Variants in XIRP2 observed in about 807,000 individuals in gnomAD.
The protein encoded by XIRP2 is xin actin-binding repeat-containing protein 2.
XIRP2 carries 236 observed loss-of-function variants against 277.0 expected under a neutral mutation model. The ratio of observed to expected loss-of-function variants is 0.85; its 90% CI spans 0.77 to 0.95. XIRP2 has a LOEUF of 0.95. XIRP2 is among the 40% of genes least tolerant of loss of function. The pLI is 0.00. For synonymous variants in XIRP2, 1,490 were observed against 1,416.5 expected (o/e 1.05, Z -1.17); for missense variants, 4,640 against 4,157.5 (o/e 1.12, Z -3.19).
rs1447510347 is a variant in XIRP2 at position 167,246,411 on chromosome 2, A to G, written c.5019A>G (p.Val1673=). Residue 1673 remains valine, a synonymous_variant, in exon 9 of 11, where the codon GTA becomes GTG. Coordinates refer to ENST00000409195, the MANE Select transcript of XIRP2 (RefSeq NM_152381.6). ...ACCTGTTCTCTGAGGAAAGATCTGT[A>G]AAGAAAGGCATCTTAATTCAGGAAG... ...IKNLFSEERS[V]KKGILIQEDE... 2.5e-6 allele frequency: 4 copies of G among 1,613,582 alleles called. No homozygotes were observed. The highest frequency in any genetic ancestry group is 3.4e-6 in the Non-Finnish European group (4 of 1,179,786).
In XIRP2 at chr2:167,136,026, A is replaced by ATGTC. The variant is rs1691539851; in HGVS notation, c.527_530dup (p.Pro178ValfsTer3). 2 of 1,610,106 alleles carry ATGTC rather than the reference A, an allele frequency of 1.2e-6. No individual in the cohort carries two copies. The highest frequency in any genetic ancestry group is 2.7e-5 in the African/African-American group (2 of 74,782). ...AGGCAAGGAAACATCTTTTGACAAG[A>ATGTC]TGTCACCTGAAAGTGGTCACAGCCG... On this transcript the variant is annotated frameshift_variant, in exon 3 of 11. Transcript: ENST00000409195. LOFTEE classifies it high-confidence loss of function.
chr2:167,248,371 C>T lies in XIRP2; in HGVS notation c.6979C>T (p.Pro2327Ser). The T allele has an allele frequency of 6.2e-7, 1 of 1,613,728 alleles. No individual in the cohort carries two copies. The change falls in exon 9 of 11, where the codon CCC becomes TCC. Residue 2327 changes from proline (P) to serine (S), a missense_variant. Physicochemically the swap from Pro to Ser is moderately conservative, Grantham distance 74. Transcript: ENST00000409195. ...GTTTCCTGAAAAAAATGGGTTTCTT[C>T]CCTCACTGTCCACAGAGAAGATAAA... is the stretch of plus-strand genomic sequence containing the variant. ...MMFPEKNGFL[P>S]SLSTEKIKAE... is the part of the protein sequence containing the mutation.
intron 2 of XIRP2, among the ~76,000 whole-genome samples, chr2:166,982,368 G>T (rs1574135696): frequency 1.4e-5 from 2 of 143,358 alleles, no homozygotes; most frequent in African/African-American, 2.5e-5. Flanking sequence ...TGAACTTCTT[G>T]ATTCTGTAAA....
chr2:167,000,772 A>T lies in XIRP2; in HGVS notation c.408+96882A>T, dbSNP rs997523617. Among the ~76,000 whole-genome samples the T allele has an allele frequency of 2.6e-5, 4 of 152,134 alleles. No individual in the cohort carries two copies. The East Asian group carries it at 7.7e-4, about 29-fold the overall frequency. On this transcript the variant is annotated intron_variant, in intron 2 of 10. Coordinates refer to ENST00000409195, the MANE Select transcript of XIRP2 (RefSeq NM_152381.6). ...TTGTTTCAAATTTGGACATTGGGAC[A>T]TTACTGTGCACTTTTGATACAATCA...
At position 167,064,348 on chromosome 2, in the gene XIRP2, C is replaced by T. The variant is rs1172054152; in HGVS notation, c.409-71561C>T. ...TGCACTTTGCTTTCAAATAGTAATC[C>T]ATATTATATGCCGCATAAGAATTTT... On this transcript the variant is annotated intron_variant, in intron 2 of 10. Transcript: ENST00000409195. 5.3e-5 allele frequency among the ~76,000 whole-genome samples: 8 copies of T among 151,804 alleles called. No homozygotes were observed. In the South Asian group the frequency reaches 1.5e-3, roughly 28 times the overall value.
intron 2 of XIRP2, among the ~76,000 whole-genome samples, chr2:167,081,873 A>G (rs1191571734): frequency 6.6e-6 from 1 of 152,166 alleles, no homozygotes; most frequent in Non-Finnish European, 1.5e-5. Flanking sequence ...CAATTGTGGT[A>G]CCTTACATGA....
At chr2:167,236,215 G>A (rs981523813) in intron 5 of XIRP2, among the ~76,000 whole-genome samples, 23 of 151,732 alleles carry the variant, frequency 1.5e-4, no homozygotes, top group Non-Finnish European at 4.4e-5. Flanking sequence ...ATACTTCCAA[G>A]AGTCACAATA....
In XIRP2 at chr2:167,244,914, G is replaced by A. The variant is rs753100773; in HGVS notation, c.3522G>A (p.Leu1174=). ...TACFLFETEN[L]DSIQGEEVKE... ...GTTTTCTTTTTGAGACAGAAAATTTGGACAGCATACAAGGAGAAGAAGTGA... is the reference window on the plus strand; with the variant it reads ...GTTTTCTTTTTGAGACAGAAAATTTAGACAGCATACAAGGAGAAGAAGTGA... Residue 1174 remains leucine, a synonymous_variant, in exon 9 of 11, where the codon TTG becomes TTA. Transcript: ENST00000409195. The A allele has an allele frequency of 5.0e-6, 8 of 1,612,902 alleles. No individual in the cohort carries two copies. The Admixed American group carries it at 1.3e-4, about 27-fold the overall frequency.
chr2:167,070,089 A>G (rs1574223640), intron 2 of XIRP2, among the ~76,000 whole-genome samples: 1 of 151,220 alleles, frequency 6.6e-6, no homozygotes, highest in Admixed American at 6.6e-5. Flanking sequence ...TGCTCCAAAC[A>G]CTCTCTCAAG....
Position 167,214,093 on chromosome 2 carries a change from A to AAG in XIRP2, c.723+3198_723+3199insAG, listed in dbSNP as rs1694147519. Among the ~76,000 whole-genome samples the AAG allele has an allele frequency of 2.5e-4, 16 of 64,316 alleles. 1 individual carries two copies. The highest frequency in any genetic ancestry group is 7.7e-4 in the African/African-American group (10 of 12,932). 42.2% of individuals were successfully genotyped at this position (64,316 alleles called of 152,430 possible). On this transcript the variant is annotated intron_variant, in intron 4 of 10. Transcript: ENST00000409195. The stretch of plus-strand genomic sequence containing the variant: ...TAGAAAGGAAGGAAGGAAGAAAGAA[A>AAG]GAAGGAAGGAAGGAAGGAAGGAAGG...
At chr2:166,952,500 CAT>C (rs1352195352) in intron 2 of XIRP2, among the ~76,000 whole-genome samples, 2 of 151,952 alleles carry the variant, frequency 1.3e-5, no homozygotes, top group African/African-American at 4.8e-5. Context: ...TTAGGACAAA[CAT>C]GTCTAGAATT....
intron 2 of XIRP2, among the ~76,000 whole-genome samples, chr2:167,017,595 G>A (rs1687866592): frequency 6.6e-6 from 1 of 151,942 alleles, no homozygotes; most frequent in East Asian, 1.9e-4. Context: ...TAGGAGTTAT[G>A]AGTAGGAAAG....
chr2:167,029,692 T>C (rs1353000650), intron 2 of XIRP2, among the ~76,000 whole-genome samples: 5 of 152,006 alleles, frequency 3.3e-5, no homozygotes, highest in Non-Finnish European at 4.4e-5. Context: ...CTCTACCAGG[T>C]TTTGGTATCA....
intron 2 of XIRP2, among the ~76,000 whole-genome samples, chr2:166,942,125 C>T (rs773366508): frequency 1.4e-4 from 21 of 152,130 alleles, no homozygotes; most frequent in Non-Finnish European, 2.6e-4. Context: ...CCAATATGAC[C>T]ACAAAACTGT....
intron 2 of XIRP2, among the ~76,000 whole-genome samples, chr2:167,062,425 G>A (rs988638619): frequency 6.6e-6 from 1 of 152,066 alleles, no homozygotes; most frequent in Non-Finnish European, 1.5e-5. Flanking sequence ...CTAAAATTTT[G>A]TTTAAAAGTT....
chr2:167,172,972 A>G (rs1692738834), intron 3 of XIRP2, among the ~76,000 whole-genome samples: 1 of 152,226 alleles, frequency 6.6e-6, no homozygotes, highest in African/African-American at 2.4e-5. Flanking sequence ...GGCGTAAGAA[A>G]TTATAAAAGT....
intron 1 of XIRP2, among the ~76,000 whole-genome samples, chr2:166,889,181 C>T (rs748778293): frequency 2.0e-5 from 3 of 152,196 alleles, no homozygotes; most frequent in Non-Finnish European, 4.4e-5. Flanking sequence ...AATGGAAGCT[C>T]TTCTTACCCC....
At chr2:167,065,167 A>G (rs1003452386) in intron 2 of XIRP2, among the ~76,000 whole-genome samples, 12 of 151,652 alleles carry the variant, frequency 7.9e-5, no homozygotes, top group African/African-American at 2.9e-4. Flanking sequence ...AATACTTGTT[A>G]TTTTCTTTTA....
At chr2:167,092,756 G>A (rs527250613) in intron 2 of XIRP2, among the ~76,000 whole-genome samples, 14 of 152,182 alleles carry the variant, frequency 9.2e-5, no homozygotes, top group Admixed American at 8.5e-4. Context: ...TGGGCTCTAA[G>A]AAAGATACAT....
Sources: gnomAD v4.1 joint callset for allele counts (sites outside exome capture counted in the v4.1 genomes callset) on GRCh38, gnomAD v4.1.1 for gene constraint, MANE v1.5 for transcripts, NCBI Gene and HGNC (gene_info 2026-07-23, HGNC 2026-07-21) for gene names.